The following RTL9 variants were observed in gnomAD, a reference collection of about 807,000 sequenced individuals.
RTL9 encodes the protein retrotransposon Gag like 9, also known as retrotransposon Gag-like protein 9.
RTL9 carries 19 observed loss-of-function variants against 44.7 expected under a neutral mutation model. The observed-to-expected ratio is 0.42, with a 90% confidence interval of 0.30 to 0.62. The LOEUF is 0.62. Ranked by LOEUF, RTL9 falls within the 20% of genes least tolerant of loss-of-function variation. The pLI is 0.16. For missense variants in RTL9, 1,105 were observed against 1,080.6 expected (o/e 1.02, Z -0.32); for synonymous variants, 407 against 398.9 (o/e 1.02, Z -0.24).
intron 1 of RTL9, among the ~76,000 whole-genome samples, chrX:110,423,532 T>G (rs1266757564): frequency 1.8e-5 from 2 of 111,422 alleles, no homozygotes; most frequent in Non-Finnish European, 3.8e-5. Flanking sequence ...TTCAGTAAGG[T>G]CACTGCCATG....
chrX:110,388,710 C>T (rs1396130656), intron 1 of RTL9, among the ~76,000 whole-genome samples: 1 of 112,054 alleles, frequency 8.9e-6, no homozygotes, highest in African/African-American at 3.2e-5. Flanking sequence ...TGAGTGGGGT[C>T]CACAAATATG....
At chrX:110,435,114 AGGAAGGAGGGAGGGAGGGGG>A (rs2068828198) in intron 1 of RTL9, among the ~76,000 whole-genome samples, 1 of 34,143 alleles carries the variant, frequency 2.9e-5, no homozygotes, top group African/African-American at 1.2e-4. Flanking sequence ...AGGGGGGAGG[AGGAAGGAGGGAGGGAGGGGG>A]AAGAAGGAGG....
chrX:110,407,924 TACTG>T (rs1209347619), intron 1 of RTL9, among the ~76,000 whole-genome samples: 4 of 112,650 alleles, frequency 3.6e-5, no homozygotes, highest in Non-Finnish European at 7.5e-5. Flanking sequence ...GGACCTGTTC[TACTG>T]ACTATCAACG....
chrX:110,411,977 T>C (rs1347903590), intron 1 of RTL9, among the ~76,000 whole-genome samples: 1 of 112,583 alleles, frequency 8.9e-6, no homozygotes, highest in Admixed American at 9.4e-5. Context: ...GAGAAGATAA[T>C]GAACAATTCA....
intron 1 of RTL9, among the ~76,000 whole-genome samples, chrX:110,396,540 G>A (rs2068529829): frequency 8.9e-6 from 1 of 112,202 alleles, no homozygotes; most frequent in Non-Finnish European, 1.9e-5. Context: ...CCAACAGGAA[G>A]CATTTCTCAG....
chrX:110,430,963 T>C (rs769517032), intron 1 of RTL9, among the ~76,000 whole-genome samples: 7 of 112,093 alleles, frequency 6.2e-5, no homozygotes, highest in Non-Finnish European at 1.3e-4. Flanking sequence ...TACTTGTGTA[T>C]GATACTCAGG....
In RTL9 at chrX:110,455,314, A is replaced by G; in HGVS notation, c.4160A>G (p.Asn1387Ser). 8.3e-7 allele frequency: 1 copy of G among 1,209,111 alleles called. No individual in the cohort carries two copies. Among genetic ancestry groups the G allele is most frequent in the Non-Finnish European group, 1.1e-6 (1 of 894,461 alleles). ...GGCCATCATCAGAAGGCCCATACCA[A>G]CAAGTAAAACTCCATGGAATCTTCT... The change falls in exon 2 of 2, where the codon AAC (asparagine) becomes AGC (serine). Residue 1387 changes from asparagine to serine, a missense_variant. By Grantham distance (46) the Asn-to-Ser change is conservative. Coordinates refer to ENST00000540313, the Ensembl canonical transcript of RTL9.
intron 1 of RTL9, among the ~76,000 whole-genome samples, chrX:110,368,847 G>C (rs1430900926): frequency 9.0e-6 from 1 of 111,344 alleles, no homozygotes; most frequent in Non-Finnish European, 1.9e-5. Flanking sequence ...AAGTGCAATA[G>C]GAATTCCAAG....
chrX:110,405,382 C>A (rs993656521), intron 1 of RTL9, among the ~76,000 whole-genome samples: 1 of 111,198 alleles, frequency 9.0e-6, no homozygotes, highest in African/African-American at 3.3e-5. Flanking sequence ...AGCGTAAAAG[C>A]CAAATTAACC....
rs777771647 is a variant in RTL9, at chrX:110,373,614, T to A, written c.-168+14698T>A. On this transcript the variant is annotated intron_variant, in intron 1 of 2. Coordinates refer to the RTL9 transcript ENST00000520821. The stretch of plus-strand genomic sequence containing the variant: ...ATATACAAGAAATGGGAGAATTATG[T>A]CCCAAGAAACTACAGATAATACAGT... Among the ~76,000 whole-genome samples, 17 of 112,555 alleles carry A rather than the reference T, an allele frequency of 1.5e-4. No individual in the cohort carries two copies. The East Asian group carries it at 3.3e-3, about 22-fold the overall frequency.
intron 1 of RTL9, among the ~76,000 whole-genome samples, chrX:110,438,390 G>A (rs1384548213): frequency 1.8e-5 from 2 of 111,821 alleles, no homozygotes; most frequent in East Asian, 5.5e-4. Context: ...TCAGGCTTCT[G>A]CCAAGACAGG....
chrX:110,407,828 C>T (rs1029738532), intron 1 of RTL9, among the ~76,000 whole-genome samples: 2 of 112,526 alleles, frequency 1.8e-5, no homozygotes, highest in African/African-American at 6.5e-5. Flanking sequence ...ATAATTCTTT[C>T]CTGTTTCAAT....
intron 1 of RTL9, among the ~76,000 whole-genome samples, chrX:110,365,160 G>A (rs2068289084): frequency 8.9e-6 from 1 of 111,860 alleles, no homozygotes; most frequent in Non-Finnish European, 1.9e-5. Flanking sequence ...GCCTATTGTG[G>A]TGGTCCACTG....
At chrX:110,450,702 T>A in exon 1 of RTL9, 1 of 1,211,046 alleles carries the variant, frequency 8.3e-7, no homozygotes, top group African/African-American at 1.7e-5. Context: ...GATGGCCTTC[T>A]GTAGACCAAT....
intron 1 of RTL9, among the ~76,000 whole-genome samples, chrX:110,362,289 G>T (rs949189840): frequency 3.6e-5 from 4 of 111,529 alleles, no homozygotes; most frequent in African/African-American, 1.3e-4. Context: ...AGTAAAAGTT[G>T]CTTTCATTGC....
intron 1 of RTL9, among the ~76,000 whole-genome samples, chrX:110,408,099 TATCA>T (rs2068615590): frequency 2.7e-5 from 3 of 112,424 alleles, no homozygotes; most frequent in Non-Finnish European, 3.8e-5. Context: ...CAACAACAGG[TATCA>T]ATTTAGAGAA....
chrX:110,388,762 CA>C (rs2068475123), intron 1 of RTL9, among the ~76,000 whole-genome samples: 1 of 111,658 alleles, frequency 9.0e-6, no homozygotes, highest in Non-Finnish European at 1.9e-5. Flanking sequence ...GCTCCTGGTC[CA>C]GGGACCACAC....
chrX:110,370,874 T>C (rs1168665106), intron 1 of RTL9, among the ~76,000 whole-genome samples: 3 of 112,088 alleles, frequency 2.7e-5, no homozygotes, highest in Non-Finnish European at 5.6e-5. Context: ...ATATAAAAAT[T>C]TGGACCTCGT....
exon 2 of RTL9, chrX:110,455,647 A>T (rs1414287700): frequency 1.3e-5 from 2 of 156,507 alleles, no homozygotes; most frequent in African/African-American, 6.2e-5. Flanking sequence ...TACCTCAAAA[A>T]ACCCTTAGCG....
Sources: gnomAD v4.1 joint callset for allele counts (sites outside exome capture counted in the v4.1 genomes callset) on GRCh38, gnomAD v4.1.1 for gene constraint, MANE v1.5 for transcripts, NCBI Gene and HGNC (gene_info 2026-07-23, HGNC 2026-07-21) for gene names.